Variants in MAGI2 observed in about 807,000 individuals in gnomAD.
MAGI2 encodes the protein membrane associated guanylate kinase, WW and PDZ domain containing 2.
Under a neutral mutation model 133.3 loss-of-function variants are expected in MAGI2, and 35 were observed. The observed-to-expected ratio is 0.26, with a 90% CI of 0.20 to 0.35. The LOEUF (loss-of-function observed/expected upper bound fraction) is 0.35, where lower values mean the gene tolerates loss of function less well. Among genes scored for constraint, MAGI2 ranks in the 10% least tolerant of loss-of-function variants. The pLI is 1.00. For synonymous variants in MAGI2, 729 were observed against 710.6 expected, an observed-to-expected ratio of 1.03 and a Z score of -0.41; for missense variants, 1,636 against 1,863.4, an observed-to-expected ratio of 0.88 and a Z score of 2.25.
intron 1 of MAGI2, among the ~76,000 whole-genome samples, chr7:79,183,830 G>A (rs978454600): frequency 2.0e-5 from 3 of 151,834 alleles, no homozygotes; most frequent in African/African-American, 7.3e-5. Context: ...TCTGTCATTT[G>A]TGACAACATG....
At chr7:78,780,214 A>T (rs369194215) in intron 2 of MAGI2, among the ~76,000 whole-genome samples, 10 of 152,230 alleles carry the variant, frequency 6.6e-5, no homozygotes, top group African/African-American at 2.4e-4. Context: ...TAGAGTAAAT[A>T]TGCCCATTAC....
chr7:79,010,035 CAT>C (rs768188581), intron 1 of MAGI2, among the ~76,000 whole-genome samples: 7 of 151,818 alleles, frequency 4.6e-5, no homozygotes, highest in African/African-American at 1.2e-4. Context: ...CTAAAACACA[CAT>C]ATATATATAC....
At chr7:79,055,688 A>G (rs148977664) in intron 1 of MAGI2, among the ~76,000 whole-genome samples, 1 of 152,366 alleles carries the variant, frequency 6.6e-6, no homozygotes, top group East Asian at 1.9e-4. Context: ...TTTAATTTAA[A>G]AGAAACTTTC....
chr7:78,431,316 ATTT>A (rs1799773516), intron 6 of MAGI2, among the ~76,000 whole-genome samples: 2 of 152,020 alleles, frequency 1.3e-5, no homozygotes. Flanking sequence ...CAGTTTGTCC[ATTT>A]TCTTTTGACT....
chr7:78,624,774 C>T (rs1225829424), intron 3 of MAGI2, among the ~76,000 whole-genome samples: 2 of 151,190 alleles, frequency 1.3e-5, no homozygotes, highest in Non-Finnish European at 2.9e-5. Context: ...ACTTAAAAGT[C>T]GAAGAAGAAA....
rs200861295 is a variant in MAGI2, at chr7:78,256,547, G to C, written c.1443C>G (p.Val481=). 47 of 1,613,434 alleles carry C rather than the reference G, an allele frequency of 2.9e-5. No homozygotes were observed. Among genetic ancestry groups the C allele is most frequent in the Non-Finnish European group, 3.8e-5 (45 of 1,179,760 alleles). ...DVIVYINEVC[V]LGHTHADVVK... Reference sequence around the variant, plus strand: ...CAACATCTGCATGAGTGTGTCCAAGGACACAAACTTCATTAATATAGACAA... The same window carrying C: ...CAACATCTGCATGAGTGTGTCCAAGCACACAAACTTCATTAATATAGACAA... Residue 481 remains valine (V), a synonymous_variant, in exon 10 of 22, where the codon GTC becomes GTG. Transcript: ENST00000354212.
chr7:78,440,024 A>C (rs927308044), intron 6 of MAGI2, among the ~76,000 whole-genome samples: 2 of 151,862 alleles, frequency 1.3e-5, no homozygotes, highest in Admixed American at 6.6e-5. Context: ...GAAAATTTAA[A>C]GTTATATACA....
At chr7:78,068,268 T>C (rs1814058374) in intron 21 of MAGI2, among the ~76,000 whole-genome samples, 1 of 152,188 alleles carries the variant, frequency 6.6e-6, no homozygotes, top group Non-Finnish European at 1.5e-5. Context: ...GCCACTGATC[T>C]GACAGGAGGT....
chr7:78,196,571 A>G (rs554491634), intron 11 of MAGI2, among the ~76,000 whole-genome samples: 2 of 152,180 alleles, frequency 1.3e-5, no homozygotes, highest in East Asian at 3.9e-4. Flanking sequence ...TGGTCTGTCC[A>G]TCATCAATAT....
In MAGI2 at chr7:79,399,079, C is replaced by CTTTTCTTTTTTTTTTTTT. The variant is rs1585840184; in HGVS notation, c.301+53940_301+53941insAAAAAAAAAAAAAGAAAA. Among the ~76,000 whole-genome samples, 172 of 114,600 alleles carry CTTTTCTTTTTTTTTTTTT rather than the reference C, an allele frequency of 1.5e-3. 9 individuals are homozygous for CTTTTCTTTTTTTTTTTTT. Among genetic ancestry groups the CTTTTCTTTTTTTTTTTTT allele is most frequent in the Middle Eastern group, 4.4e-3 (1 of 228 alleles). The allele number at this position is 114,600 out of a possible 152,430, so 75.2% of individuals were successfully genotyped here. A position where few individuals can be genotyped will look rare whatever the true frequency, so the allele number is the denominator to read the frequency against. ...CATCTTCAATTCACTAGTATTATTTCTTTTTTTTTTCTTTTCTTTTTTTTT... is the reference window on the plus strand; with the variant it reads ...CATCTTCAATTCACTAGTATTATTTCTTTTCTTTTTTTTTTTTTTTTTTTTTTTCTTTTCTTTTTTTTT... On this transcript the variant is annotated intron_variant, in intron 1 of 21. Coordinates refer to ENST00000354212, the MANE Select transcript of MAGI2 (RefSeq NM_012301.4).
intron 1 of MAGI2, among the ~76,000 whole-genome samples, chr7:79,270,925 C>T (rs929896025): frequency 6.6e-6 from 1 of 152,058 alleles, no homozygotes; most frequent in Non-Finnish European, 1.5e-5. Flanking sequence ...TGAAACTGCT[C>T]TTCCTTAGTT....
At chr7:78,054,156 C>T (rs372563889) in intron 21 of MAGI2, among the ~76,000 whole-genome samples, 16 of 152,120 alleles carry the variant, frequency 1.1e-4, no homozygotes, top group African/African-American at 2.7e-4. Flanking sequence ...GATGTGGTCT[C>T]GATCTGTCGC....
chr7:78,196,808 C>A (rs1828782518), intron 11 of MAGI2, among the ~76,000 whole-genome samples: 1 of 152,150 alleles, frequency 6.6e-6, no homozygotes, highest in Non-Finnish European at 1.5e-5. Flanking sequence ...GGCTATTGCC[C>A]AAGATCTCAT....
At chr7:78,891,713 C>T (rs144639736) in intron 2 of MAGI2, among the ~76,000 whole-genome samples, 29 of 152,170 alleles carry the variant, frequency 1.9e-4, no homozygotes, top group South Asian at 6.2e-4. Context: ...AAATTAGGTA[C>T]TGATGGGACG....
chr7:78,599,635 T>C (rs1804973429), intron 3 of MAGI2, among the ~76,000 whole-genome samples: 1 of 152,216 alleles, frequency 6.6e-6, no homozygotes, highest in African/African-American at 2.4e-5. Flanking sequence ...ACAATAACAC[T>C]GACCTGTAAA....
chr7:78,894,749 T>C (rs1797069229), intron 2 of MAGI2, among the ~76,000 whole-genome samples: 1 of 152,192 alleles, frequency 6.6e-6, no homozygotes, highest in Admixed American at 6.5e-5. Context: ...TAAAAAATAT[T>C]CTGAATTCAA....
chr7:78,256,177 T>A lies in MAGI2; in HGVS notation c.1813A>T (p.Thr605Ser). 1 of 1,613,952 alleles carries A rather than the reference T, an allele frequency of 6.2e-7. No individual in the cohort carries two copies. Among genetic ancestry groups the A allele is most frequent in the Non-Finnish European group, 8.5e-7 (1 of 1,179,986 alleles). ...SSGATQAELMTLTIVKGAQGF... is the reference protein window; with the variant it reads ...SSGATQAELMSLTIVKGAQGF... Reference sequence around the variant, plus strand: ...TGGGCACCTTTCACAATGGTTAAGGTCATAAGTTCAGCTTGGGTGGCCCCA... The same window carrying A: ...TGGGCACCTTTCACAATGGTTAAGGACATAAGTTCAGCTTGGGTGGCCCCA... Residue 605 changes from threonine (T) to serine (S), a missense_variant, in exon 10 of 22, where the codon ACC becomes TCC. Thr to Ser is a moderately conservative substitution (Grantham distance 58). This residue lies in a region of MAGI2 where 920 missense variants were observed against 1,093.5 expected (regional missense o/e 0.84). Coordinates refer to ENST00000354212, the MANE Select transcript of MAGI2 (RefSeq NM_012301.4).
chr7:78,862,796 C>G (rs1158577946), intron 2 of MAGI2, among the ~76,000 whole-genome samples: 1 of 152,110 alleles, frequency 6.6e-6, no homozygotes, highest in Non-Finnish European at 1.5e-5. Flanking sequence ...GCTACGATAC[C>G]ACAGACTTGG....
intron 1 of MAGI2, chr7:79,410,285 T>C (rs1376386264): frequency 6.6e-6 from 1 of 152,146 alleles, no homozygotes; most frequent in Non-Finnish European, 1.5e-5. Context: ...ATTTTCAGAA[T>C]CTGAATCCTA....
Sources: gnomAD v4.1 joint callset for allele counts (sites outside exome capture counted in the v4.1 genomes callset) on GRCh38, gnomAD v4.1.1 for gene constraint, gnomAD v4.1.1 regional missense constraint, MANE v1.5 for transcripts, NCBI Gene and HGNC (gene_info 2026-07-23, HGNC 2026-07-21) for gene names.